The following NID2 variants were observed in gnomAD, a reference collection of about 807,000 sequenced individuals.
NID2 encodes nidogen 2, also known as nidogen-2.
Under a neutral mutation model 145.4 loss-of-function variants are expected in NID2, and 83 were observed. The ratio of observed to expected loss-of-function variants is 0.57; its 90% CI spans 0.48 to 0.69. NID2 has a LOEUF of 0.69. Among genes scored for constraint, NID2 ranks in the 30% least tolerant of loss-of-function variants. The pLI is 0.00. For missense variants in NID2, 1,807 were observed against 1,765.7 expected (o/e 1.02, Z -0.42); for synonymous variants, 739 against 701.3 (o/e 1.05, Z -0.85).
chr14:52,054,912 A>G (rs572755933), intron 3 of NID2, among the ~76,000 whole-genome samples: 7 of 152,316 alleles, frequency 4.6e-5, no homozygotes, highest in African/African-American at 1.7e-4. Flanking sequence ...CCATAATCCA[A>G]ATGGTTTATC....
In NID2 at chr14:52,011,647, C is replaced by A; in HGVS notation, c.3457G>T (p.Glu1153Ter). The A allele has an allele frequency of 6.2e-7, 1 of 1,614,208 alleles. No individual in the cohort carries two copies. The highest frequency in any genetic ancestry group is 8.5e-7 in the Non-Finnish European group (1 of 1,180,030). Residue 1153 changes from glutamate (E) to a stop codon, truncating the protein, a stop_gained, in exon 17 of 22, where the codon GAG becomes TAG. Coordinates refer to ENST00000216286, the MANE Select transcript of NID2 (RefSeq NM_007361.4). LOFTEE classifies it high-confidence loss of function. ...IIVGIDYDCRERMVYWTDVAG... is the reference protein window; with the variant it reads ...IIVGIDYDCR ...ACATCTGTCCAGTACACCATCCTCTCCCGGCAGTCGTAATCAATTCCCACG... is the reference window on the plus strand; with the variant it reads ...ACATCTGTCCAGTACACCATCCTCTACCGGCAGTCGTAATCAATTCCCACG...
At chr14:52,038,648 C>T in intron 9 of NID2, 99 bp downstream of exon 9, 1 of 905,892 alleles carries the variant, frequency 1.1e-6, no homozygotes, top group Non-Finnish European at 1.6e-6. Context: ...GCACATAACA[C>T]AGCATGGCAC....
rs141286098 is a variant in NID2 at position 52,038,786 on chromosome 14, G to A, written c.2218C>T (p.Leu740Phe). 9.9e-4 allele frequency: 1,583 copies of A among 1,606,520 alleles called. 16 individuals carry two copies. The highest frequency in any genetic ancestry group is 2.3e-4 in the Non-Finnish European group (271 of 1,176,822). ...FALYNDEERV[L>F]RFAVTNQIGP... ...ATTTGATTGGTCACAGCAAATCTAA[G>A]CACTCTTTCTTCGTCATTATACAAG... Residue 740 changes from leucine to phenylalanine, a missense_variant, in exon 9 of 22, where the codon CTT (leucine) becomes TTT (phenylalanine). Coordinates refer to ENST00000216286, the MANE Select transcript of NID2 (RefSeq NM_007361.4).
At position 52,015,950 on chromosome 14, in the gene NID2, C is replaced by A. The variant is rs1450655570; in HGVS notation, c.3029-675G>T. On this transcript the variant is annotated intron_variant, in intron 14 of 21. Coordinates refer to ENST00000216286, the MANE Select transcript of NID2 (RefSeq NM_007361.4). ...GCTTAAAAATGGTTCTTCCACAGCC[C>A]AGTTTCCAGAATTGCTTTAGCCACC... Among the ~76,000 whole-genome samples, 7 of 152,178 alleles carry A rather than the reference C, an allele frequency of 4.6e-5. No individual in the cohort carries two copies. In the South Asian group the frequency reaches 1.4e-3, roughly 31 times the overall value.
chr14:52,025,866 T>C (rs1193002449), intron 12 of NID2, among the ~76,000 whole-genome samples: 1 of 152,198 alleles, frequency 6.6e-6, no homozygotes. Flanking sequence ...AGAAGACGAA[T>C]ATTCAAGCCA....
chr14:52,047,365 G>T lies in NID2; in HGVS notation c.1430-4434C>A, dbSNP rs146857241. Among the ~76,000 whole-genome samples, 367 of 152,204 alleles carry T rather than the reference G, an allele frequency of 2.4e-3. 1 individual carries two copies. Among genetic ancestry groups the T allele is most frequent in the African/African-American group, 8.5e-3 (353 of 41,534 alleles). On this transcript the variant is annotated intron_variant, in intron 5 of 21. Transcript: ENST00000216286. ...AGGAGGTGAGGGAGTGAACCCCACA[G>T]ATGAGGGCAGGCGTGGTGCTGTGTC...
At position 52,068,895 on chromosome 14, in the gene NID2, C is replaced by A. The variant is rs1282106987; in HGVS notation, c.100G>T (p.Asp34Tyr). The change falls in exon 1 of 22, where the codon GAC becomes TAC. Residue 34 changes from aspartate to tyrosine, a missense_variant. By Grantham distance (160) the Asp-to-Tyr change is radical. Transcript: ENST00000216286. ...LMLRAAALHP[D>Y]ELFPHGESWG... is the part of the protein sequence containing the mutation. The stretch of plus-strand genomic sequence containing the variant: ...GACTCCCCGTGTGGGAAGAGCTCGT[C>A]TGGGTGCAGCGCCGCGGCCCGCAAC... 2.5e-6 allele frequency: 4 copies of A among 1,614,100 alleles called. No individual in the cohort carries two copies. The highest frequency in any genetic ancestry group is 3.4e-6 in the Non-Finnish European group (4 of 1,180,032).
At chr14:52,067,101 A>G (rs771382864) in intron 2 of NID2, among the ~76,000 whole-genome samples, 2 of 152,258 alleles carry the variant, frequency 1.3e-5, no homozygotes, top group African/African-American at 4.8e-5. Context: ...TGGAATGTCA[A>G]CTAAGAACAT....
chr14:52,019,321 A>G, intron 13 of NID2, 27 bp from the exon 14 acceptor site: 1 of 1,528,838 alleles, frequency 6.5e-7, no homozygotes, highest in South Asian at 1.3e-5. Context: ...AGAGGAAGAC[A>G]CAAAAGAGAA....
At chr14:52,065,915 T>C (rs910198235) in intron 2 of NID2, among the ~76,000 whole-genome samples, 5 of 144,302 alleles carry the variant, frequency 3.5e-5, no homozygotes, top group African/African-American at 7.9e-5. Flanking sequence ...TGTTGGACAT[T>C]TGGGTTGGTT....
At chr14:52,029,887 C>G (rs1264487663) in intron 9 of NID2, among the ~76,000 whole-genome samples, 197 bp from the exon 10 acceptor site, 1 of 134,820 alleles carries the variant, frequency 7.4e-6, no homozygotes, top group Non-Finnish European at 1.7e-5. Flanking sequence ...TTCCTATTGC[C>G]TACCCTATAG....
intron 13 of NID2, 146 bp from the exon 14 acceptor site, chr14:52,019,440 A>AC (rs1217484603): frequency 9.9e-5 from 61 of 618,026 alleles, no homozygotes; most frequent in Admixed American, 1.8e-4. Context: ...GCCACTATTT[A>AC]CCTCATTTCT....
chr14:52,067,836 T>C lies in NID2; in HGVS notation c.534+22A>G, dbSNP rs770955040. On this transcript the variant is annotated intron_variant, in intron 2 of 21. Transcript: ENST00000216286. The stretch of plus-strand genomic sequence containing the variant: ...GCCCATCCTTCAATTTCCTCAGCAG[T>C]CAAATATCCCTGGTCACTTACCTCT... 4.3e-6 allele frequency: 7 copies of C among 1,610,248 alleles called. No individual in the cohort carries two copies. In the African/African-American group the frequency reaches 8.0e-5, roughly 18 times the overall value.
chr14:52,014,026 A>G, intron 16 of NID2: 1 of 526,870 alleles, frequency 1.9e-6, no homozygotes. Flanking sequence ...ATGTGCTGAC[A>G]ACTCTAAAGT....
intron 9 of NID2, among the ~76,000 whole-genome samples, chr14:52,031,615 T>G (rs12879960): frequency 0.061 from 9,300 of 152,204 alleles, 323 homozygotes; most frequent in Middle Eastern, 0.13. Context: ...ATCCTCTGAG[T>G]CCCATCCTGC....
chr14:52,054,015 C>T lies in NID2; in HGVS notation c.1069+5G>A, dbSNP rs773593479. The T allele has an allele frequency of 3.5e-5, 57 of 1,612,142 alleles. No individual in the cohort carries two copies. Among genetic ancestry groups the T allele is most frequent in the Non-Finnish European group, 4.6e-5 (54 of 1,178,930 alleles). On this transcript the variant is annotated splice_donor_5th_base_variant and intron_variant, in intron 4 of 21. Coordinates refer to ENST00000216286, the MANE Select transcript of NID2 (RefSeq NM_007361.4). ...ACAGATCAGAATCTGGAGGGGAGAT[C>T]CTACCCTCTAAAGGCTTTGTATCCA...
Position 52,027,294 on chromosome 14 carries a change from G to C in NID2, c.2581C>G (p.Pro861Ala), listed in dbSNP as rs780122742. Residue 861 changes from proline to alanine, a missense_variant, in exon 12 of 22, where the codon CCT becomes GCT. Coordinates refer to ENST00000216286, the MANE Select transcript of NID2 (RefSeq NM_007361.4). ...TGAACACACCGGGCCTGCCCAGCAG[G>C]AGCACAGGTATGACTGCCATCCTCA... ...PCEDGSHTCA[P>A]AGQARCVHHG... 1 of 1,595,824 alleles carries C rather than the reference G, an allele frequency of 6.3e-7. No homozygotes were observed. Among genetic ancestry groups the C allele is most frequent in the Non-Finnish European group, 8.5e-7 (1 of 1,172,066 alleles).
intron 5 of NID2, among the ~76,000 whole-genome samples, chr14:52,045,482 G>A (rs1892454830): frequency 6.6e-6 from 1 of 150,614 alleles, no homozygotes; most frequent in African/African-American, 2.4e-5. Flanking sequence ...AATTAGGCAT[G>A]ACTCAACTTT....
At chr14:52,068,190 G>T in intron 1 of NID2, 27 bp from the exon 2 acceptor site, 2 of 1,604,776 alleles carry the variant, frequency 1.2e-6, no homozygotes, top group South Asian at 1.1e-5. Flanking sequence ...ACAAAAAGGT[G>T]ACAGTCGCTC....
Sources: allele counts gnomAD v4.1 joint callset (sites outside exome capture counted in the v4.1 genomes callset), GRCh38; gene constraint gnomAD v4.1.1; transcripts MANE v1.5; gene names NCBI Gene and HGNC (gene_info 2026-07-23, HGNC 2026-07-21).